Variants in ASAP1 observed in about 807,000 individuals in gnomAD.
ASAP1 encodes arf-GAP with SH3 domain, ANK repeat and PH domain-containing protein 1.
In ASAP1, 43 loss-of-function variants were observed where a neutral mutation model predicts 145.2. That is an observed-to-expected ratio of 0.30 (90% CI 0.23 to 0.38). The LOEUF (loss-of-function observed/expected upper bound fraction) is 0.38. Ranked by LOEUF, ASAP1 falls within the 10% of genes least tolerant of loss-of-function variation. The pLI, the probability that ASAP1 is intolerant of heterozygous loss-of-function variation, is 1.00. For synonymous variants in ASAP1, 546 were observed against 515.5 expected (o/e 1.06, Z -0.80); for missense variants, 1,018 against 1,355.3 (o/e 0.75, Z 3.91).
At chr8:130,318,465 A>G (rs1229982669) in intron 3 of ASAP1, among the ~76,000 whole-genome samples, 1 of 152,236 alleles carries the variant, frequency 6.6e-6, no homozygotes, top group African/African-American at 2.4e-5. Context: ...GGCAAGCACT[A>G]CTATGTGCCA....
At chr8:130,277,286 G>A (rs893754299) in intron 3 of ASAP1, among the ~76,000 whole-genome samples, 1 of 152,162 alleles carries the variant, frequency 6.6e-6, no homozygotes, top group Non-Finnish European at 1.5e-5. Flanking sequence ...ATGGTTTCCT[G>A]TAGCAGCCAC....
In ASAP1 at chr8:130,394,413, G is replaced by A. The variant is rs961875246; in HGVS notation, c.59+7472C>T. 1.2e-4 allele frequency among the ~76,000 whole-genome samples: 18 copies of A among 152,022 alleles called. 1 individual carries two copies. Among genetic ancestry groups the A allele is most frequent in the Admixed American group, 6.6e-5 (1 of 15,260 alleles). On this transcript the variant is annotated intron_variant, in intron 2 of 29. Transcript: ENST00000518721. ...AGGCTTATTAGGACAGGAAATTCCC[G>A]CCTAATAAATTTTGGTCAGACCGGT...
At chr8:130,239,065 T>G (rs1818376142) in intron 3 of ASAP1, among the ~76,000 whole-genome samples, 1 of 152,120 alleles carries the variant, frequency 6.6e-6, no homozygotes, top group Admixed American at 6.6e-5. Context: ...CCAGGATCAC[T>G]TACCATTGAT....
chr8:130,428,071 G>A (rs1829990089), intron 1 of ASAP1, among the ~76,000 whole-genome samples: 1 of 152,072 alleles, frequency 6.6e-6, no homozygotes, highest in South Asian at 2.1e-4. Flanking sequence ...CCCCACCATT[G>A]TCTACATGGT....
chr8:130,342,995 C>T (rs1381743667), intron 3 of ASAP1, among the ~76,000 whole-genome samples: 1 of 152,150 alleles, frequency 6.6e-6, no homozygotes, highest in Non-Finnish European at 1.5e-5. Flanking sequence ...AAGATACTTA[C>T]TAAGCCAAAA....
intron 1 of ASAP1, among the ~76,000 whole-genome samples, chr8:130,434,728 G>A (rs1489772418): frequency 3.3e-5 from 5 of 152,040 alleles, no homozygotes; most frequent in South Asian, 2.1e-4. Flanking sequence ...GATCACAAAC[G>A]CAATGACATG....
At chr8:130,133,021 T>C (rs2097585477) in intron 15 of ASAP1, among the ~76,000 whole-genome samples, 1 of 152,120 alleles carries the variant, frequency 6.6e-6, no homozygotes, top group African/African-American at 2.4e-5. Flanking sequence ...AAAAAGGGTA[T>C]GAGCAGAATT....
At chr8:130,206,522 A>T (rs183814034) in intron 5 of ASAP1, among the ~76,000 whole-genome samples, 3 of 152,162 alleles carry the variant, frequency 2.0e-5, no homozygotes, top group Non-Finnish European at 4.4e-5. Context: ...AGGAAATGCT[A>T]TGCAGATGGA....
intron 8 of ASAP1, among the ~76,000 whole-genome samples, chr8:130,180,452 T>G (rs1318623414): frequency 6.6e-6 from 1 of 152,198 alleles, no homozygotes. Flanking sequence ...TATTCACCAG[T>G]GTTACCTCTC....
In ASAP1 at chr8:130,258,643, A is replaced by G. The variant is rs1357463280; in HGVS notation, c.187-21649T>C. 2.0e-5 allele frequency among the ~76,000 whole-genome samples: 3 copies of G among 152,122 alleles called. 1 individual carries two copies. The highest frequency in any genetic ancestry group is 2.9e-5 in the Non-Finnish European group (2 of 68,014). ...TGGGATTGAGGATCTTCATCCCACT[A>G]TTTTACAGGGTGAATGGGAGGTTCA... On this transcript the variant is annotated intron_variant, in intron 3 of 29. Coordinates refer to ENST00000518721, the MANE Select transcript of ASAP1 (RefSeq NM_018482.4).
intron 24 of ASAP1, among the ~76,000 whole-genome samples, chr8:130,111,027 C>T (rs561927950): frequency 2.6e-5 from 4 of 151,996 alleles, no homozygotes; most frequent in South Asian, 2.1e-4. Context: ...TAGCCTGAGG[C>T]GCCAGCCCTG....
chr8:130,393,608 T>C (rs1828385252), intron 2 of ASAP1, among the ~76,000 whole-genome samples: 1 of 151,930 alleles, frequency 6.6e-6, no homozygotes, highest in South Asian at 2.1e-4. Context: ...ATACAAAAAT[T>C]AGCCAGGCAT....
chr8:130,251,592 A>G (rs983544376), intron 3 of ASAP1, among the ~76,000 whole-genome samples: 2 of 152,140 alleles, frequency 1.3e-5, no homozygotes, highest in Non-Finnish European at 2.9e-5. Flanking sequence ...TATAGAACAA[A>G]CAAAACCAAG....
chr8:130,300,143 C>CAGAGAGAGAG (rs1458876507), intron 3 of ASAP1, among the ~76,000 whole-genome samples: 6 of 111,764 alleles, frequency 5.4e-5, no homozygotes, highest in African/African-American at 2.4e-4. Flanking sequence ...CACACACACA[C>CAGAGAGAGAG]ACACACACAC....
chr8:130,275,669 T>A (rs1465676311), intron 3 of ASAP1, among the ~76,000 whole-genome samples: 1 of 152,156 alleles, frequency 6.6e-6, no homozygotes, highest in East Asian at 1.9e-4. Flanking sequence ...CTTGCACAAT[T>A]AGAGAAACGT....
chr8:130,146,468 C>T (rs1229041189), intron 13 of ASAP1, among the ~76,000 whole-genome samples: 1 of 152,164 alleles, frequency 6.6e-6, no homozygotes, highest in Non-Finnish European at 1.5e-5. Context: ...TTACAACTGA[C>T]AGTGCTGCTT....
At chr8:130,068,364 T>C (rs536897469) in intron 27 of ASAP1, among the ~76,000 whole-genome samples, 137 of 152,146 alleles carry the variant, frequency 9.0e-4, no homozygotes, top group Non-Finnish European at 1.7e-3. Context: ...AAAGTACCTC[T>C]GAGACTTGTG....
intron 3 of ASAP1, among the ~76,000 whole-genome samples, chr8:130,260,999 A>G (rs1819863558): frequency 6.6e-6 from 1 of 152,166 alleles, no homozygotes. Flanking sequence ...AACTTTACGC[A>G]GAGATGCAGT....
intron 5 of ASAP1, among the ~76,000 whole-genome samples, chr8:130,191,348 T>C (rs1465882727): frequency 2.0e-5 from 3 of 152,212 alleles, no homozygotes; most frequent in East Asian, 1.9e-4. Context: ...GAGCAGATTA[T>C]AGATGGAAAG....
Sources: gnomAD v4.1 joint callset for allele counts (sites outside exome capture counted in the v4.1 genomes callset) on GRCh38, gnomAD v4.1.1 for gene constraint, MANE v1.5 for transcripts, NCBI Gene and HGNC (gene_info 2026-07-23, HGNC 2026-07-21) for gene names.